Variants in BLTP1 observed in about 807,000 individuals in gnomAD.
The protein encoded by BLTP1 is fragile site-associated protein.
chr4:122,340,818 C>A, the BLTP1 span: 1 of 956,996 alleles, frequency 1.0e-6, no homozygotes, highest in Non-Finnish European at 1.2e-6. Context: ...GTTACACTCA[C>A]TATTCATTAT....
chr4:122,328,698 A>C, the BLTP1 span: 363 of 983,002 alleles, frequency 3.7e-4, 5 homozygotes, highest in African/African-American at 5.9e-3. Context: ...CAGCAAGGAG[A>C]TATGTAATAG....
At chr4:122,315,266 A>G in the BLTP1 span, 1 of 287,272 alleles carries the variant, frequency 3.5e-6, no homozygotes, top group Non-Finnish European at 5.2e-6. Context: ...ATAGGGAAAA[A>G]GAAAATAGGT....
the BLTP1 span, among the ~76,000 whole-genome samples, chr4:122,322,861 G>C: frequency 6.6e-6 from 1 of 152,020 alleles, no homozygotes; most frequent in Non-Finnish European, 1.5e-5. Flanking sequence ...TTTCTCCTAA[G>C]GGCATTTTTT....
the BLTP1 span, chr4:122,328,097 C>T: frequency 2.0e-6 from 3 of 1,490,628 alleles, no homozygotes; most frequent in Non-Finnish European, 2.7e-6. Context: ...TTTCTTTTTA[C>T]AATCAGTTTC....
chr4:122,184,410 G>T, the BLTP1 span, among the ~76,000 whole-genome samples: 3 of 152,090 alleles, frequency 2.0e-5, no homozygotes, highest in Non-Finnish European at 4.4e-5. Flanking sequence ...AGGCTGAGGC[G>T]GGCAGATCAC....
the BLTP1 span, chr4:122,209,382 C>G: frequency 6.3e-7 from 1 of 1,588,516 alleles, no homozygotes; most frequent in Non-Finnish European, 8.6e-7. Flanking sequence ...CAGTGGCTCA[C>G]GCCTGTAATC....
At chr4:122,238,318 G>A in the BLTP1 span, 3 of 1,614,072 alleles carry the variant, frequency 1.9e-6, no homozygotes, top group Non-Finnish European at 2.5e-6. Flanking sequence ...AAGAGTTCTT[G>A]CATGGGACAA....
At chr4:122,230,079 G>C in the BLTP1 span, 2 of 1,614,146 alleles carry the variant, frequency 1.2e-6, no homozygotes, top group Non-Finnish European at 1.7e-6. Flanking sequence ...GTGCTACGGA[G>C]GGCCTATTGG....
At chr4:122,179,150 T>G in the BLTP1 span, among the ~76,000 whole-genome samples, 1 of 152,120 alleles carries the variant, frequency 6.6e-6, no homozygotes, top group Non-Finnish European at 1.5e-5. Flanking sequence ...TGTGCTGGTA[T>G]ATGCCAGTAG....
chr4:122,279,998 G>C, the BLTP1 span: 3 of 1,613,516 alleles, frequency 1.9e-6, no homozygotes, highest in Middle Eastern at 5.0e-4. Context: ...TATTTTATTT[G>C]TTCACATTCT....
the BLTP1 span, among the ~76,000 whole-genome samples, chr4:122,163,279 G>A: frequency 6.6e-6 from 1 of 152,128 alleles, no homozygotes; most frequent in East Asian, 1.9e-4. Flanking sequence ...ACCACTGTGG[G>A]CACCTGGAGT....
chr4:122,202,623 T>G, the BLTP1 span: 1 of 630,954 alleles, frequency 1.6e-6, no homozygotes, highest in Non-Finnish European at 2.0e-6. Context: ...ATACCTATCA[T>G]CAAGTATTTA....
chr4:122,265,840 G>A, the BLTP1 span, among the ~76,000 whole-genome samples: 1 of 151,948 alleles, frequency 6.6e-6, no homozygotes, highest in Admixed American at 6.6e-5. Flanking sequence ...CTGGAATACA[G>A]GCACCCGCCA....
the BLTP1 span, chr4:122,275,815 GA>G: frequency 3.7e-5 from 20 of 546,468 alleles, no homozygotes; most frequent in Middle Eastern, 9.4e-4. Context: ...AAATGGAATG[GA>G]AAAAAATGGT....
chr4:122,242,827 G>A, the BLTP1 span: 3 of 169,792 alleles, frequency 1.8e-5, no homozygotes, highest in Non-Finnish European at 3.6e-5. Flanking sequence ...AATCAACAAA[G>A]TGAAACTGCC....
chr4:122,240,105 G>A, the BLTP1 span: 3 of 1,614,138 alleles, frequency 1.9e-6, no homozygotes, highest in Middle Eastern at 1.6e-4. Flanking sequence ...AGAAGATGAT[G>A]TTATAGAACA....
the BLTP1 span, chr4:122,246,790 T>C: frequency 6.2e-7 from 1 of 1,613,030 alleles, no homozygotes; most frequent in Non-Finnish European, 8.5e-7. Context: ...ACAGAATTGC[T>C]ACACAGGTTC....
the BLTP1 span, among the ~76,000 whole-genome samples, chr4:122,241,031 T>C: frequency 3.9e-5 from 6 of 152,220 alleles, no homozygotes; most frequent in Middle Eastern, 3.4e-3. Context: ...AAATGACAAT[T>C]AATAGATCAG....
the BLTP1 span, chr4:122,318,079 A>G: frequency 6.7e-7 from 1 of 1,483,094 alleles, no homozygotes; most frequent in Non-Finnish European, 9.1e-7. Flanking sequence ...ATTAAAAAGG[A>G]GCAAGTAAAA....
Sources: gnomAD v4.1 joint callset for allele counts (sites outside exome capture counted in the v4.1 genomes callset) on GRCh38, gnomAD v4.1.1 for gene constraint, MANE v1.5 for transcripts, NCBI Gene and HGNC (gene_info 2026-07-23, HGNC 2026-07-21) for gene names.